DPP10: variants seen among roughly 807,000 people sequenced by gnomAD.
DPP10 encodes inactive dipeptidyl peptidase 10.
A neutral mutation model predicts 120.9 loss-of-function variants in DPP10; 33 were observed. The ratio of observed to expected loss-of-function variants is 0.27; its 90% CI spans 0.21 to 0.37. DPP10 has a LOEUF of 0.37. Among genes scored for constraint, DPP10 ranks in the 10% least tolerant of loss-of-function variants. The pLI is 1.00. For synonymous variants in DPP10, 337 were observed against 326.1 expected, an observed-to-expected ratio of 1.03 and a Z score of -0.36; for missense variants, 816 against 942.8, an observed-to-expected ratio of 0.87 and a Z score of 1.76.
At chr2:114,468,784 G>A (rs1349260078) in intron 1 of DPP10, among the ~76,000 whole-genome samples, 2 of 152,150 alleles carry the variant, frequency 1.3e-5, no homozygotes, top group Non-Finnish European at 2.9e-5. Flanking sequence ...ATTTTGTGGG[G>A]ATTTTAAAGG....
chr2:114,660,500 A>C (rs1697319584), intron 1 of DPP10, among the ~76,000 whole-genome samples: 1 of 152,202 alleles, frequency 6.6e-6, no homozygotes, highest in African/African-American at 2.4e-5. Flanking sequence ...AGACTCACTC[A>C]GTACTTAGTA....
At chr2:115,826,760 C>T (rs1688361163) in intron 21 of DPP10, among the ~76,000 whole-genome samples, 1 of 152,088 alleles carries the variant, frequency 6.6e-6, no homozygotes, top group South Asian at 2.1e-4. Context: ...TTAATATAGC[C>T]ACTCCATCTT....
chr2:115,334,157 C>T (rs1463638636), intron 2 of DPP10, among the ~76,000 whole-genome samples: 2 of 145,690 alleles, frequency 1.4e-5, no homozygotes, highest in African/African-American at 2.5e-5. Flanking sequence ...CACACAGATA[C>T]TCCTCAGGAA....
chr2:115,433,926 G>A (rs1330721102), intron 3 of DPP10, among the ~76,000 whole-genome samples: 3 of 151,760 alleles, frequency 2.0e-5, no homozygotes, highest in Admixed American at 6.6e-5. Context: ...CTACACTTCT[G>A]GAGACTTGAA....
intron 5 of DPP10, among the ~76,000 whole-genome samples, chr2:115,592,057 G>C (rs2082696691): frequency 1.3e-5 from 2 of 152,082 alleles, no homozygotes; most frequent in Admixed American, 1.3e-4. Context: ...TACTAAAGGG[G>C]GTTGTCCTCC....
At chr2:115,755,186 T>C (rs1340963149) in intron 11 of DPP10, among the ~76,000 whole-genome samples, 1 of 152,020 alleles carries the variant, frequency 6.6e-6, no homozygotes, top group Non-Finnish European at 1.5e-5. Flanking sequence ...TATAAATGCA[T>C]TTATACAATA....
chr2:115,654,143 T>C (rs538207366), intron 5 of DPP10, among the ~76,000 whole-genome samples: 1 of 151,922 alleles, frequency 6.6e-6, no homozygotes, highest in South Asian at 2.1e-4. Flanking sequence ...ATGAGTTTCA[T>C]CCACCCTGCT....
intron 1 of DPP10, among the ~76,000 whole-genome samples, chr2:114,463,611 A>C (rs1679109821): frequency 6.6e-6 from 1 of 152,184 alleles, no homozygotes; most frequent in East Asian, 1.9e-4. Context: ...CTTTTTGTCG[A>C]AGTGTGCATT....
intron 5 of DPP10, among the ~76,000 whole-genome samples, chr2:115,560,573 G>A (rs1388950020): frequency 6.8e-6 from 1 of 146,472 alleles, no homozygotes; most frequent in Admixed American, 6.9e-5. Flanking sequence ...CCCCACCCCC[G>A]ACCTCCCACC....
intron 21 of DPP10, among the ~76,000 whole-genome samples, chr2:115,832,757 A>G (rs1689062799): frequency 6.6e-6 from 1 of 152,068 alleles, no homozygotes; most frequent in Non-Finnish European, 1.5e-5. Flanking sequence ...TCAGGTGCCC[A>G]TTCTCCACAG....
chr2:115,016,610 CA>C lies in DPP10; in HGVS notation c.61-292626del, dbSNP rs756361041. Among the ~76,000 whole-genome samples, 115 of 151,522 alleles carry C rather than the reference CA, an allele frequency of 7.6e-4. No individual in the cohort carries two copies. The Middle Eastern group carries it at 0.024, about 32-fold the overall frequency. ...AAATTTTTGCAATATACTCATCTGA[CA>C]AAGGGCTAATATCCAGAATCTTCAA... On this transcript the variant is annotated intron_variant, in intron 1 of 25. Transcript: ENST00000410059.
intron 1 of DPP10, among the ~76,000 whole-genome samples, chr2:114,499,588 G>A (rs1427740621): frequency 6.8e-6 from 1 of 147,076 alleles, no homozygotes; most frequent in Non-Finnish European, 1.5e-5. Flanking sequence ...TTTTTTTTCT[G>A]GGTTAAGAGC....
chr2:114,663,655 A>ATATG (rs1558980727), intron 1 of DPP10, among the ~76,000 whole-genome samples: 3 of 117,490 alleles, frequency 2.6e-5, no homozygotes, highest in African/African-American at 1.1e-4. Flanking sequence ...ATATATATAT[A>ATATG]TATATATATA....
intron 3 of DPP10, among the ~76,000 whole-genome samples, chr2:115,370,698 A>G (rs1192571555): frequency 6.6e-6 from 1 of 152,130 alleles, no homozygotes; most frequent in Non-Finnish European, 1.5e-5. Flanking sequence ...TTCTGGGAAC[A>G]TTATGTACAG....
rs1460228735 is a variant in DPP10 at position 114,967,126 on chromosome 2, C to T, written c.61-342113C>T. On this transcript the variant is annotated intron_variant, in intron 1 of 25. Transcript: ENST00000410059. ...TCAGTAATATTTTCAATGAGTTTTG[C>T]TACCAAGAGAAGCAAAATTAATAAT... 2.6e-5 allele frequency among the ~76,000 whole-genome samples: 4 copies of T among 151,958 alleles called. No individual in the cohort carries two copies. The East Asian group carries it at 7.7e-4, about 29-fold the overall frequency.
intron 3 of DPP10, among the ~76,000 whole-genome samples, chr2:115,483,185 T>G (rs2105284571): frequency 6.6e-6 from 1 of 152,252 alleles, no homozygotes; most frequent in East Asian, 1.9e-4. Flanking sequence ...TCAAGATCAC[T>G]TTATTGGATA....
intron 1 of DPP10, among the ~76,000 whole-genome samples, chr2:114,886,437 T>C (rs1166234960): frequency 2.0e-5 from 3 of 152,186 alleles, no homozygotes; most frequent in African/African-American, 7.2e-5. Context: ...TTTATCGATA[T>C]GATGATATTT....
chr2:115,361,408 A>G (rs570654919), intron 3 of DPP10, among the ~76,000 whole-genome samples: 57 of 152,050 alleles, frequency 3.7e-4, no homozygotes, highest in African/African-American at 1.3e-3. Context: ...TAGAGGTTGC[A>G]TTGTCGGCAT....
chr2:114,931,685 G>C (rs1250932458), intron 1 of DPP10, among the ~76,000 whole-genome samples: 2 of 152,190 alleles, frequency 1.3e-5, no homozygotes, highest in Non-Finnish European at 2.9e-5. Flanking sequence ...AGGGGACTTA[G>C]GAGTATAGAC....
Sources: allele counts gnomAD v4.1 joint callset (sites outside exome capture counted in the v4.1 genomes callset), GRCh38; gene constraint gnomAD v4.1.1; transcripts MANE v1.5; gene names NCBI Gene and HGNC (gene_info 2026-07-23, HGNC 2026-07-21).